PPFIA2: variants seen among roughly 807,000 people sequenced by gnomAD.
PPFIA2 encodes the protein PPFI scaffold protein A2.
PPFIA2 carries 46 observed loss-of-function variants against 175.5 expected under a neutral mutation model. The ratio of observed to expected loss-of-function variants is 0.26; its 90% CI spans 0.21 to 0.34. The LOEUF is 0.34. Among genes scored for constraint, PPFIA2 ranks in the 10% least tolerant of loss-of-function variants. PPFIA2 has a pLI of 1.00. For synonymous variants in PPFIA2, 568 were observed against 511.4 expected, an observed-to-expected ratio of 1.11 and a Z score of -1.49; for missense variants, 1,179 against 1,506.1, an observed-to-expected ratio of 0.78 and a Z score of 3.60.
intron 22 of PPFIA2, among the ~76,000 whole-genome samples, chr12:81,310,082 C>T (rs900924909): frequency 1.3e-5 from 2 of 152,122 alleles, no homozygotes; most frequent in African/African-American, 4.8e-5. Flanking sequence ...TTAGATTGCT[C>T]TAGTGTTTCA....
intron 4 of PPFIA2, among the ~76,000 whole-genome samples, chr12:81,481,914 T>C (rs1385762525): frequency 6.6e-6 from 1 of 152,058 alleles, no homozygotes; most frequent in Non-Finnish European, 1.5e-5. Context: ...ACTAAAGAGC[T>C]TCTGCACAGC....
intron 4 of PPFIA2, among the ~76,000 whole-genome samples, chr12:81,543,984 A>C (rs1406908858): frequency 6.6e-6 from 1 of 152,162 alleles, no homozygotes; most frequent in Non-Finnish European, 1.5e-5. Flanking sequence ...GCCAAGATAA[A>C]TATTATGTGG....
At chr12:81,601,023 A>G (rs568586280) in intron 4 of PPFIA2, among the ~76,000 whole-genome samples, 21 of 152,034 alleles carry the variant, frequency 1.4e-4, no homozygotes, top group African/African-American at 4.8e-4. Flanking sequence ...TATTTGCTGC[A>G]TTTGCATCAG....
intron 21 of PPFIA2, among the ~76,000 whole-genome samples, chr12:81,336,058 A>G (rs1381388837): frequency 6.6e-6 from 1 of 152,156 alleles, no homozygotes; most frequent in African/African-American, 2.4e-5. Flanking sequence ...TCAGTTGGGA[A>G]ATCTTGCTCC....
At chr12:81,321,320 A>T (rs2053606849) in intron 22 of PPFIA2, among the ~76,000 whole-genome samples, 1 of 152,134 alleles carries the variant, frequency 6.6e-6, no homozygotes, top group African/African-American at 2.4e-5. Flanking sequence ...TGTGAAACTG[A>T]CAACTAAATA....
At chr12:81,515,064 C>A (rs953679097) in intron 4 of PPFIA2, among the ~76,000 whole-genome samples, 3 of 151,674 alleles carry the variant, frequency 2.0e-5, no homozygotes, top group Non-Finnish European at 4.4e-5. Context: ...CTGGCATTGC[C>A]GTGAATTTTA....
chr12:81,360,519 A>G (rs1010547710), intron 15 of PPFIA2, among the ~76,000 whole-genome samples: 2 of 151,706 alleles, frequency 1.3e-5, no homozygotes, highest in African/African-American at 4.8e-5. Context: ...GAGCCAAATC[A>G]AGCCCTTTGT....
chr12:81,288,031 A>G (rs1360225378), intron 24 of PPFIA2, among the ~76,000 whole-genome samples: 1 of 151,848 alleles, frequency 6.6e-6, no homozygotes. Context: ...GGCTAATATC[A>G]TCTGAGTCTA....
chr12:81,411,361 T>C (rs2043930742), intron 7 of PPFIA2, among the ~76,000 whole-genome samples: 1 of 152,086 alleles, frequency 6.6e-6, no homozygotes, highest in South Asian at 2.1e-4. Flanking sequence ...TTTGTCTTGA[T>C]CCTTATTTGT....
At chr12:81,561,501 G>A (rs2070063642) in intron 4 of PPFIA2, among the ~76,000 whole-genome samples, 1 of 151,678 alleles carries the variant, frequency 6.6e-6, no homozygotes, top group African/African-American at 2.4e-5. Flanking sequence ...GGGTAATACA[G>A]GAGGGAGTCC....
intron 4 of PPFIA2, among the ~76,000 whole-genome samples, chr12:81,650,147 C>CT (rs539009907): frequency 1.3e-5 from 2 of 151,952 alleles, no homozygotes; most frequent in South Asian, 4.2e-4. Context: ...GTAGCTGGGA[C>CT]TACAGGCGCC....
chr12:81,443,911 G>C lies in PPFIA2; in HGVS notation c.570+1645C>G, dbSNP rs367574334. Among the ~76,000 whole-genome samples, 25 of 126,894 alleles carry C rather than the reference G, an allele frequency of 2.0e-4. No homozygotes were observed. In the East Asian group the frequency reaches 3.2e-3, roughly 16 times the overall value. The allele number at this position is 126,894 out of a possible 152,430, so 83.2% of individuals were successfully genotyped here. A position where few individuals can be genotyped will look rare whatever the true frequency, so the allele number is the denominator to read the frequency against. ...TCGCTGTCACCCAGGCTGGAGTGCAGTGGCGCGATCTGGGCTCACTGCAAG... is the reference window on the plus strand; with the variant it reads ...TCGCTGTCACCCAGGCTGGAGTGCACTGGCGCGATCTGGGCTCACTGCAAG... On this transcript the variant is annotated intron_variant, in intron 6 of 32. Transcript: ENST00000549396.
At chr12:81,660,097 A>G (rs2068540959) in intron 4 of PPFIA2, among the ~76,000 whole-genome samples, 1 of 152,172 alleles carries the variant, frequency 6.6e-6, no homozygotes, top group Non-Finnish European at 1.5e-5. Context: ...AAGATGGGGA[A>G]AAAAGCAGAG....
chr12:81,553,470 C>T (rs1213381488), intron 4 of PPFIA2, among the ~76,000 whole-genome samples: 1 of 152,028 alleles, frequency 6.6e-6, no homozygotes, highest in Non-Finnish European at 1.5e-5. Context: ...GCCCTGTGAG[C>T]ACTTTAACCC....
At position 81,344,755 on chromosome 12, in the gene PPFIA2, C is replaced by A. The variant is rs2058746317; in HGVS notation, c.2233-62G>T. 3.9e-6 allele frequency: 5 copies of A among 1,278,142 alleles called. No homozygotes were observed. The South Asian group carries it at 4.3e-5, about 11-fold the overall frequency. 79.2% of individuals were successfully genotyped at this position (1,278,142 alleles called of 1,614,324 possible). ...AATTAAGAATTAACAATCATTTGAC[C>A]AAGTTACAATTTTAAATAGTGTCTA... is the stretch of plus-strand genomic sequence containing the variant. On this transcript the variant is annotated intron_variant, in intron 18 of 32. Transcript: ENST00000549396.
At chr12:81,601,296 C>T (rs1396859929) in intron 4 of PPFIA2, among the ~76,000 whole-genome samples, 2 of 151,710 alleles carry the variant, frequency 1.3e-5, no homozygotes, top group Non-Finnish European at 2.9e-5. Flanking sequence ...AATGTTATCT[C>T]GTAATTCTGA....
chr12:81,381,490 T>C (rs1369862122), intron 9 of PPFIA2, among the ~76,000 whole-genome samples: 2 of 152,022 alleles, frequency 1.3e-5, no homozygotes, highest in Non-Finnish European at 2.9e-5. Context: ...AATAGAGCAA[T>C]GAGTACTAAG....
chr12:81,485,019 G>T (rs2058664049), intron 4 of PPFIA2, among the ~76,000 whole-genome samples: 1 of 151,732 alleles, frequency 6.6e-6, no homozygotes, highest in African/African-American at 2.4e-5. Flanking sequence ...ATTTTATATA[G>T]TAGGTGAAAA....
At chr12:81,519,638 C>T (rs1677241377) in intron 4 of PPFIA2, among the ~76,000 whole-genome samples, 2 of 152,130 alleles carry the variant, frequency 1.3e-5, no homozygotes, top group Non-Finnish European at 2.9e-5. Context: ...GGCATGGAAT[C>T]GTGTACTTAA....
Sources: allele counts gnomAD v4.1 joint callset (sites outside exome capture counted in the v4.1 genomes callset), GRCh38; gene constraint gnomAD v4.1.1; transcripts MANE v1.5; gene names NCBI Gene and HGNC (gene_info 2026-07-23, HGNC 2026-07-21).